Variants in SEMA3D observed in about 807,000 individuals in gnomAD.
SEMA3D encodes semaphorin-3D.
In SEMA3D, 84 loss-of-function variants were observed where a neutral mutation model predicts 100.1. The ratio of observed to expected loss-of-function variants is 0.84; its 90% CI spans 0.70 to 1.01. The LOEUF is 1.01. SEMA3D is among the 50% of genes least tolerant of loss of function. The probability of loss-of-function intolerance (pLI) is 0.00; values close to 1 mark genes in which losing one functional copy is unlikely to be tolerated. For missense variants in SEMA3D, 875 were observed against 934.1 expected, an observed-to-expected ratio of 0.94 and a Z score of 0.82; for synonymous variants, 312 against 320.7, an observed-to-expected ratio of 0.97 and a Z score of 0.29.
At chr7:85,238,271 G>A in the SEMA3D span, among the ~76,000 whole-genome samples, 3 of 152,038 alleles carry the variant, frequency 2.0e-5, no homozygotes, top group African/African-American at 7.2e-5. Context: ...TATCTAAAAA[G>A]TTATTGCCAT....
chr7:85,106,320 A>C (rs1466599084), intron 3 of SEMA3D, among the ~76,000 whole-genome samples: 1 of 152,088 alleles, frequency 6.6e-6, no homozygotes, highest in Non-Finnish European at 1.5e-5. Flanking sequence ...TATTTGTTTC[A>C]ATCAAGTATA....
chr7:85,069,794 G>A (rs1230641552), intron 6 of SEMA3D, among the ~76,000 whole-genome samples: 1 of 152,192 alleles, frequency 6.6e-6, no homozygotes, highest in Non-Finnish European at 1.5e-5. Flanking sequence ...CAGCAGCACA[G>A]GGGAGGTCCC....
At chr7:85,051,375 G>A (rs998015002) in intron 9 of SEMA3D, among the ~76,000 whole-genome samples, 5 of 151,840 alleles carry the variant, frequency 3.3e-5, no homozygotes. Flanking sequence ...TTTGATAAGC[G>A]ACATTTTTGA....
Position 85,164,987 on chromosome 7 carries a change from C to T in SEMA3D, c.-172-11248G>A, listed in dbSNP as rs144989046. Among the ~76,000 whole-genome samples, 877 of 91,666 alleles carry T rather than the reference C, an allele frequency of 9.6e-3. 8 individuals carry two copies. The highest frequency in any genetic ancestry group is 0.012 in the Non-Finnish European group (580 of 47,768). 60.1% of individuals were successfully genotyped at this position (91,666 alleles called of 152,430 possible). A position where few individuals can be genotyped will look rare whatever the true frequency, so the allele number is the denominator to read the frequency against. On this transcript the variant is annotated intron_variant, in intron 1 of 18. Transcript: ENST00000284136. ...GTTAGGTATATCTCCTAATGCTATC[C>T]CTCCCCCTTCCCCCCACCCCACAAC...
the SEMA3D span, among the ~76,000 whole-genome samples, chr7:85,217,039 A>G: frequency 6.6e-6 from 1 of 152,144 alleles, no homozygotes; most frequent in African/African-American, 2.4e-5. Context: ...AATGCAAAAT[A>G]GAGCCACATG....
the SEMA3D span, among the ~76,000 whole-genome samples, chr7:85,206,082 A>G: frequency 6.6e-6 from 1 of 151,852 alleles, no homozygotes; most frequent in African/African-American, 2.4e-5. Context: ...ACGTATCAGG[A>G]CCTCCCTTAC....
intron 17 of SEMA3D, among the ~76,000 whole-genome samples, chr7:85,011,951 ATGTGTGTGTGTTTGGTG>A (rs1562782066): frequency 6.6e-6 from 1 of 151,364 alleles, no homozygotes; most frequent in Non-Finnish European, 1.5e-5. Flanking sequence ...GTGTGTGTGC[ATGTGTGTGTGTTTGGTG>A]TGTGTGTGTG....
chr7:85,120,666 C>CAAAAAA (rs765641197), intron 3 of SEMA3D, among the ~76,000 whole-genome samples: 1 of 82,806 alleles, frequency 1.2e-5, no homozygotes, highest in Admixed American at 1.4e-4. Context: ...GACTTCATCT[C>CAAAAAA]AAAAAAAAAA....
the SEMA3D span, among the ~76,000 whole-genome samples, chr7:85,242,972 G>C: frequency 1.3e-5 from 2 of 152,116 alleles, no homozygotes; most frequent in Non-Finnish European, 2.9e-5. Context: ...AGTAAGGTTT[G>C]CGGGGAGAGA....
intron 9 of SEMA3D, among the ~76,000 whole-genome samples, chr7:85,043,930 C>G (rs1485009713): frequency 6.6e-6 from 1 of 152,026 alleles, no homozygotes; most frequent in Non-Finnish European, 1.5e-5. Flanking sequence ...AGCGTGAAAA[C>G]AGACTAATAC....
rs77528892 is a variant in SEMA3D, at chr7:85,051,199, C to T, written c.861+4518G>A. 1.8e-3 allele frequency among the ~76,000 whole-genome samples: 273 copies of T among 151,866 alleles called. 4 individuals are homozygous for T. The South Asian group carries it at 0.039, about 21-fold the overall frequency. ...ATGGAAGCAATAGGTGCCTGCTGTC[C>T]TCATTTTTTAGGTTAAGAAACTGAG... is the stretch of plus-strand genomic sequence containing the variant. On this transcript the variant is annotated intron_variant, in intron 9 of 18. Coordinates refer to ENST00000284136, the MANE Select transcript of SEMA3D (RefSeq NM_001384900.1).
intron 1 of SEMA3D, among the ~76,000 whole-genome samples, chr7:85,159,488 G>T (rs1270179353): frequency 6.6e-6 from 1 of 151,938 alleles, no homozygotes; most frequent in African/African-American, 2.4e-5. Context: ...CCATCCTCTG[G>T]TCATATACAA....
chr7:85,243,456 T>C, the SEMA3D span, among the ~76,000 whole-genome samples: 6 of 152,190 alleles, frequency 3.9e-5, no homozygotes, highest in Admixed American at 3.9e-4. Flanking sequence ...CGTCTAGAGG[T>C]GTCCGTTTGT....
intron 9 of SEMA3D, among the ~76,000 whole-genome samples, chr7:85,044,152 A>C (rs942778702): frequency 2.6e-5 from 4 of 152,008 alleles, no homozygotes; most frequent in Admixed American, 2.6e-4. Flanking sequence ...TTCAAGTCTG[A>C]ATATCTAGAA....
the SEMA3D span, among the ~76,000 whole-genome samples, chr7:85,199,436 T>A: frequency 6.6e-6 from 1 of 152,150 alleles, no homozygotes; most frequent in Admixed American, 6.5e-5. Context: ...TAAAGCTAGT[T>A]GTTTTGTTAG....
At chr7:85,141,009 G>C in intron 2 of SEMA3D, 1 of 664,976 alleles carries the variant, frequency 1.5e-6, no homozygotes, top group Non-Finnish European at 1.9e-6. Flanking sequence ...CAATAATCTA[G>C]TTTATAAACT....
chr7:85,094,956 G>T (rs1788506355), intron 4 of SEMA3D, among the ~76,000 whole-genome samples: 2 of 151,474 alleles, frequency 1.3e-5, no homozygotes, highest in Non-Finnish European at 2.9e-5. Context: ...AAGACAAAAG[G>T]TCATAATATC....
chr7:85,051,803 C>T (rs2116054401), intron 9 of SEMA3D, among the ~76,000 whole-genome samples: 1 of 151,946 alleles, frequency 6.6e-6, no homozygotes, highest in South Asian at 2.1e-4. Flanking sequence ...TGCACATGTT[C>T]CTGGTCCATG....
the SEMA3D span, among the ~76,000 whole-genome samples, chr7:85,218,228 C>G: frequency 2.0e-5 from 3 of 152,022 alleles, no homozygotes; most frequent in African/African-American, 7.2e-5. Context: ...GGTCTACAGA[C>G]CTTTCTAACT....
Sources: gnomAD v4.1 joint callset for allele counts (sites outside exome capture counted in the v4.1 genomes callset) on GRCh38, gnomAD v4.1.1 for gene constraint, MANE v1.5 for transcripts, NCBI Gene and HGNC (gene_info 2026-07-23, HGNC 2026-07-21) for gene names.